The following CD72 variants were observed in gnomAD, a reference collection of about 807,000 sequenced individuals.
The protein encoded by CD72 is CD72 molecule, also known as B-cell differentiation antigen CD72.
Under a neutral mutation model 50.7 loss-of-function variants are expected in CD72, and 28 were observed. The observed-to-expected ratio is 0.55, with a 90% CI of 0.41 to 0.76. CD72 has a LOEUF of 0.76. Ranked by LOEUF, CD72 falls within the 30% of genes least tolerant of loss-of-function variation. The pLI is 0.00. For missense variants in CD72, 403 were observed against 420.6 expected, an observed-to-expected ratio of 0.96 and a Z score of 0.37; for synonymous variants, 176 against 171.2, an observed-to-expected ratio of 1.03 and a Z score of -0.22.
chr9:35,619,173 C>T (rs887406905), upstream of CD72, among the ~76,000 whole-genome samples: 2 of 152,198 alleles, frequency 1.3e-5, no homozygotes, highest in South Asian at 2.1e-4. Context: ...CCCTTCCCAC[C>T]CAGCCCCAAG....
At chr9:35,618,747 C>T (rs760504550), upstream of CD72, 27 of 1,282,960 alleles carry the variant, frequency 2.1e-5, no homozygotes, top group Non-Finnish European at 2.6e-5. Context: ...CTGACCCAGA[C>T]GATCTCCCCA....
chr9:35,623,937 A>G (rs1051707108), upstream of CD72, among the ~76,000 whole-genome samples: 1 of 149,142 alleles, frequency 6.7e-6, no homozygotes, highest in Non-Finnish European at 1.5e-5. Flanking sequence ...TTAAAAAGAC[A>G]AATTTATAAA....
intron 1 of CD72, among the ~76,000 whole-genome samples, chr9:35,631,427 A>G (rs1228334973): frequency 6.6e-6 from 1 of 152,204 alleles, no homozygotes; most frequent in African/African-American, 2.4e-5. Flanking sequence ...GTGTTTCACC[A>G]TTGAGAACCA....
At chr9:35,623,691 C>T (rs145558378), upstream of CD72, among the ~76,000 whole-genome samples, 5,882 of 151,948 alleles carry the variant, frequency 0.039, 120 homozygotes, top group Non-Finnish European at 0.046. Flanking sequence ...CCGAGGCAGG[C>T]GGATCACCTG....
At chr9:35,618,858 G>A, upstream of CD72, 1 of 928,440 alleles carries the variant, frequency 1.1e-6, no homozygotes, top group Non-Finnish European at 1.5e-6. Context: ...GGGGGTTCAG[G>A]AACAGGCCTG....
chr9:35,644,923 C>A (rs1371997653), intron 1 of CD72, among the ~76,000 whole-genome samples: 2 of 120,774 alleles, frequency 1.7e-5, no homozygotes. Flanking sequence ...AAAAAAAGGC[C>A]GGGCGCGGTG....
At chr9:35,643,742 C>T (rs915114491) in intron 1 of CD72, among the ~76,000 whole-genome samples, 1 of 152,104 alleles carries the variant, frequency 6.6e-6, no homozygotes, top group Non-Finnish European at 1.5e-5. Flanking sequence ...CTTTTGGAGG[C>T]GGAGGCAGGC....
At chr9:35,639,085 T>C (rs1823316656) in intron 1 of CD72, among the ~76,000 whole-genome samples, 1 of 151,814 alleles carries the variant, frequency 6.6e-6, no homozygotes, top group African/African-American at 2.4e-5. Flanking sequence ...CACAAAGATT[T>C]GACACATTAT....
intron 5 of CD72, 24 bp downstream of exon 5, chr9:35,615,919 C>G (rs1823055888): frequency 1.3e-6 from 2 of 1,584,832 alleles, no homozygotes; most frequent in East Asian, 2.2e-5. Flanking sequence ...TCCCTCCCTT[C>G]TCTCCTCTCC....
chr9:35,615,320 CCTAGA>C (rs1224015535), intron 5 of CD72, among the ~76,000 whole-genome samples: 4 of 152,138 alleles, frequency 2.6e-5, no homozygotes, highest in Non-Finnish European at 4.4e-5. Context: ...TGGCACCTTG[CCTAGA>C]CCCTCAGCCT....
chr9:35,618,542 C>T (rs1409093095), upstream of CD72: 2 of 943,636 alleles, frequency 2.1e-6, no homozygotes, highest in African/African-American at 1.6e-5. Flanking sequence ...GGAGGGGACG[C>T]TGAGGTCCAG....
intron 1 of CD72, among the ~76,000 whole-genome samples, chr9:35,639,618 T>A (rs886140414): frequency 6.6e-6 from 1 of 151,896 alleles, no homozygotes; most frequent in Non-Finnish European, 1.5e-5. Flanking sequence ...CAAAGAGAAA[T>A]GGAGAAAAAA....
intron 1 of CD72, among the ~76,000 whole-genome samples, chr9:35,625,909 A>C (rs1823193309): frequency 6.6e-6 from 1 of 152,164 alleles, no homozygotes; most frequent in Non-Finnish European, 1.5e-5. Context: ...TCAGAAAGAA[A>C]ATTCCTTTCA....
upstream of CD72, chr9:35,619,692 T>A (rs1238578225): frequency 6.6e-6 from 1 of 152,266 alleles, no homozygotes; most frequent in Non-Finnish European, 1.5e-5. Flanking sequence ...ATATGCATGT[T>A]CCCAGGACTT....
chr9:35,638,448 T>C (rs1823311098), intron 1 of CD72, among the ~76,000 whole-genome samples: 1 of 152,126 alleles, frequency 6.6e-6, no homozygotes, highest in Non-Finnish European at 1.5e-5. Context: ...ACAGTTTTGT[T>C]CTGCGACTAG....
upstream of CD72, among the ~76,000 whole-genome samples, chr9:35,620,814 C>T (rs527342021): frequency 1.3e-4 from 20 of 151,028 alleles, no homozygotes; most frequent in African/African-American, 4.9e-4. Flanking sequence ...ACTCTGTCTC[C>T]AAAAATAAAA....
intron 1 of CD72, among the ~76,000 whole-genome samples, chr9:35,635,453 G>C (rs1823281618): frequency 6.6e-6 from 1 of 152,130 alleles, no homozygotes; most frequent in Admixed American, 6.5e-5. Context: ...TGGGGTTTCA[G>C]CAATGACTGT....
chr9:35,614,155 T>C (rs1823034827), intron 5 of CD72, among the ~76,000 whole-genome samples: 1 of 152,178 alleles, frequency 6.6e-6, no homozygotes, highest in African/African-American at 2.4e-5. Flanking sequence ...AGAAAGTCAG[T>C]GTAGGGTTTT....
At chr9:35,617,288 G>T in intron 2 of CD72, 41 bp from the exon 3 acceptor site, 7 of 1,514,796 alleles carry the variant, frequency 4.6e-6, no homozygotes, top group Non-Finnish European at 6.2e-6. Flanking sequence ...GAAGCCCCGA[G>T]TGTTGCCCCT....
Sources: gnomAD v4.1 joint callset for allele counts (sites outside exome capture counted in the v4.1 genomes callset) on GRCh38, gnomAD v4.1.1 for gene constraint, MANE v1.5 for transcripts, NCBI Gene and HGNC (gene_info 2026-07-23, HGNC 2026-07-21) for gene names.